Variants in WDR11 observed in about 807,000 individuals in gnomAD.
WDR11 encodes WD repeat-containing protein 11.
A neutral mutation model predicts 151.2 loss-of-function variants in WDR11; 83 were observed. The ratio of observed to expected loss-of-function variants is 0.55; its 90% CI spans 0.46 to 0.66. The LOEUF is 0.66. Among genes scored for constraint, WDR11 ranks in the 30% least tolerant of loss-of-function variants. The pLI is 0.00. For synonymous variants in WDR11, 484 were observed against 533.1 expected, an observed-to-expected ratio of 0.91 and a Z score of 1.27; for missense variants, 1,301 against 1,480.9, an observed-to-expected ratio of 0.88 and a Z score of 1.99.
intron 9 of WDR11, among the ~76,000 whole-genome samples, chr10:120,869,911 C>T (rs4639853): frequency 0.37 from 56,506 of 151,898 alleles, 10,601 homozygotes; most frequent in Admixed American, 0.44. Flanking sequence ...TGCCTCAGCC[C>T]CATGAGTAGC....
chr10:120,898,604 G>A (rs377749562), intron 19 of WDR11, among the ~76,000 whole-genome samples: 198 of 152,280 alleles, frequency 1.3e-3, no homozygotes, highest in African/African-American at 4.6e-3. Flanking sequence ...CAGCTGGTAG[G>A]GGGTGATTGG....
At chr10:120,897,605 GATAATCAGAAA>G (rs1847658942) in intron 19 of WDR11, among the ~76,000 whole-genome samples, 1 of 152,136 alleles carries the variant, frequency 6.6e-6, no homozygotes, top group Admixed American at 6.5e-5. Context: ...ACCCGAATCT[GATAATCAGAAA>G]ACAGACAAGT....
intron 21 of WDR11, 45 bp from the exon 22 acceptor site, chr10:120,902,212 T>G: frequency 6.5e-7 from 1 of 1,537,956 alleles, no homozygotes; most frequent in Non-Finnish European, 9.0e-7. Flanking sequence ...CTTTATTGTT[T>G]GATTGAAAAC....
chr10:120,864,691 C>G (rs533881572), intron 5 of WDR11, among the ~76,000 whole-genome samples: 1 of 152,208 alleles, frequency 6.6e-6, no homozygotes, highest in South Asian at 2.1e-4. Context: ...AACAGTTTGC[C>G]TAGTACTTTT....
chr10:120,855,117 G>T lies in WDR11; in HGVS notation c.198+2482G>T, dbSNP rs550648739. Among the ~76,000 whole-genome samples, 30 of 152,186 alleles carry T rather than the reference G, an allele frequency of 2.0e-4. 2 individuals are homozygous for T. Among genetic ancestry groups the T allele is most frequent in the South Asian group, 1.2e-3 (6 of 4,822 alleles). ...AACAACAATAACTAATAATAATAAA[G>T]GAGAACAATTATAACAATACATCAG... On this transcript the variant is annotated intron_variant, in intron 2 of 28. Transcript: ENST00000263461.
chr10:120,857,615 G>A (rs980488488), intron 2 of WDR11, among the ~76,000 whole-genome samples: 1 of 152,056 alleles, frequency 6.6e-6, no homozygotes, highest in Admixed American at 6.6e-5. Context: ...GCCTGTTCAC[G>A]CTCATTTTCA....
intron 26 of WDR11, chr10:120,905,662 C>G: frequency 3.4e-6 from 3 of 894,704 alleles, no homozygotes; most frequent in Non-Finnish European, 5.1e-6. Context: ...AGAGTCTGAG[C>G]CGAAACTACA....
chr10:120,872,345 A>T (rs1433713923), intron 10 of WDR11, among the ~76,000 whole-genome samples: 1 of 152,212 alleles, frequency 6.6e-6, no homozygotes, highest in Non-Finnish European at 1.5e-5. Flanking sequence ...CACCACTAAT[A>T]GATTTTAATT....
intron 26 of WDR11, 193 bp from the exon 27 acceptor site, chr10:120,905,683 A>G: frequency 4.9e-6 from 5 of 1,026,530 alleles, no homozygotes; most frequent in Non-Finnish European, 7.2e-6. Flanking sequence ...GTCCAGAGGT[A>G]TAGCCAGGCC....
chr10:120,889,574 C>G (rs1169984419), intron 17 of WDR11: 7 of 424,998 alleles, frequency 1.6e-5, no homozygotes, highest in Non-Finnish European at 3.1e-5. Context: ...CCATTAGAGG[C>G]TTGTGACTTG....
chr10:120,851,612 G>T, intron 1 of WDR11, 106 bp downstream of exon 1: 14 of 1,368,610 alleles, frequency 1.0e-5, no homozygotes, highest in Non-Finnish European at 1.4e-5. Flanking sequence ...CCTCGCTAAG[G>T]CAGGGAGCCG....
intron 5 of WDR11, among the ~76,000 whole-genome samples, chr10:120,864,302 C>A (rs988623438): frequency 6.6e-6 from 1 of 151,998 alleles, no homozygotes; most frequent in East Asian, 1.9e-4. Context: ...AATTTCAAAG[C>A]CTTTTAATAA....
intron 11 of WDR11, 45 bp from the exon 12 acceptor site, chr10:120,878,308 T>TA: frequency 6.9e-7 from 1 of 1,441,124 alleles, no homozygotes; most frequent in Non-Finnish European, 9.7e-7. Flanking sequence ...ACCTTTCAAA[T>TA]AAAAAAGAGA....
chr10:120,874,280 G>C (rs866788483), intron 11 of WDR11, among the ~76,000 whole-genome samples: 1 of 140,698 alleles, frequency 7.1e-6, no homozygotes, highest in Non-Finnish European at 1.5e-5. Flanking sequence ...TAATATTGTT[G>C]CACCTCATTT....
At position 120,874,095 on chromosome 10, in the gene WDR11, C is replaced by G. The variant is rs7080550; in HGVS notation, c.1556+172C>G. Among the ~76,000 whole-genome samples, 58,270 of 151,258 alleles carry G rather than the reference C, an allele frequency of 0.39. 11,232 individuals carry two copies. The highest frequency in any genetic ancestry group is 0.45 in the Admixed American group (6,797 of 15,200). On this transcript the variant is annotated intron_variant, in intron 11 of 28. Coordinates refer to ENST00000263461, the MANE Select transcript of WDR11 (RefSeq NM_018117.12). ...TGTTAATCAAGGATGATAACTAATT[C>G]TTTGCTGTGTAAAGAACATAAGCAG...
rs1846880717 is a variant in WDR11 at position 120,878,440 on chromosome 10, A to G, written c.1644A>G (p.Gln548=). 2 of 1,613,152 alleles carry G rather than the reference A, an allele frequency of 1.2e-6. No individual in the cohort carries two copies. Among genetic ancestry groups the G allele is most frequent in the East Asian group, 4.5e-5 (2 of 44,720 alleles). ...NNMGLVRNEL[Q]LVDLPTGRSI... ...TGGGATTAGTGAGAAATGAACTTCA[A>G]CTGGTTGATCTTCCAACAGGTTTGT... Residue 548 remains glutamine (Q), a synonymous_variant, in exon 12 of 29, where the codon CAA becomes CAG. Coordinates refer to ENST00000263461, the MANE Select transcript of WDR11 (RefSeq NM_018117.12).
rs1025449883 is a variant in WDR11 at position 120,906,290 on chromosome 10, T to C, written c.3437+269T>C. ...AGGGAATTTAAAAGTCTTCAGAGAA[T>C]TGGGGTCCATTCAGCTTTGACTAGA... On this transcript the variant is annotated intron_variant, in intron 27 of 28. Coordinates refer to ENST00000263461, the MANE Select transcript of WDR11 (RefSeq NM_018117.12). 25 of 1,325,966 alleles carry C rather than the reference T, an allele frequency of 1.9e-5. No individual in the cohort carries two copies. In the East Asian group the frequency reaches 7.4e-4, roughly 39 times the overall value. 82.1% of individuals were successfully genotyped at this position (1,325,966 alleles called of 1,614,324 possible).
intron 5 of WDR11, among the ~76,000 whole-genome samples, chr10:120,863,610 A>G (rs1483943792): frequency 3.3e-5 from 5 of 152,212 alleles, no homozygotes; most frequent in Non-Finnish European, 5.9e-5. Context: ...AATTTGATGT[A>G]TTCAAAATAG....
rs1280730098 is a variant in WDR11, at chr10:120,873,868, C to T, written c.1501C>T (p.His501Tyr). The T allele has an allele frequency of 6.2e-7, 1 of 1,612,966 alleles. No individual in the cohort carries two copies. The highest frequency in any genetic ancestry group is 2.2e-5 in the East Asian group (1 of 44,822). Residue 501 changes from histidine to tyrosine, a missense_variant, in exon 11 of 29, where the codon CAT (histidine) becomes TAT (tyrosine). Around this residue, in one of 3 missense-constraint regions of WDR11, gnomAD observed 692 missense variants for 762.5 expected, o/e 0.91. Transcript: ENST00000263461. ...AAGTAATGGTTCTGTCCTGGTGTACCATCTCACCAGTGGTCTGCTACACAA... is the reference window on the plus strand; with the variant it reads ...AAGTAATGGTTCTGTCCTGGTGTACTATCTCACCAGTGGTCTGCTACACAA... ...GTSNGSVLVY[H>Y]LTSGLLHKEL...
Sources: gnomAD v4.1 joint callset for allele counts (sites outside exome capture counted in the v4.1 genomes callset) on GRCh38, gnomAD v4.1.1 for gene constraint, gnomAD v4.1.1 regional missense constraint, MANE v1.5 for transcripts, NCBI Gene and HGNC (gene_info 2026-07-23, HGNC 2026-07-21) for gene names.